FAIM: variants seen among roughly 807,000 people sequenced by gnomAD.
FAIM encodes Fas apoptotic inhibitory molecule.
Under a neutral mutation model 21.2 loss-of-function variants are expected in FAIM, and 14 were observed. The observed-to-expected ratio is 0.66, with a 90% CI of 0.44 to 1.03. FAIM has a LOEUF of 1.03. Among genes scored for constraint, FAIM ranks in the 50% least tolerant of loss-of-function variants. The pLI is 0.00. For missense variants in FAIM, 222 were observed against 247.1 expected, an observed-to-expected ratio of 0.90 and a Z score of 0.68; for synonymous variants, 86 against 80.4, an observed-to-expected ratio of 1.07 and a Z score of -0.37.
intron 4 of FAIM, among the ~76,000 whole-genome samples, chr3:138,625,316 A>G (rs1209383224): frequency 6.6e-6 from 1 of 151,958 alleles, no homozygotes; most frequent in Non-Finnish European, 1.5e-5. Context: ...TACAAAAATT[A>G]GCTGGGCGTG....
intron 5 of FAIM, 49 bp from the exon 6 acceptor site, chr3:138,632,875 TAGACAG>T: frequency 1.3e-6 from 2 of 1,576,818 alleles, no homozygotes; most frequent in African/African-American, 1.4e-5. Flanking sequence ...GTGAATGCTC[TAGACAG>T]AGATAAAAGT....
intron 4 of FAIM, 144 bp from the exon 5 acceptor site, chr3:138,628,963 A>G (rs1197207088): frequency 3.6e-6 from 2 of 551,718 alleles, no homozygotes; most frequent in East Asian, 6.3e-5. Context: ...CATGAAAGCC[A>G]TGAAAAAGTG....
chr3:138,627,964 C>T (rs2042957424), intron 4 of FAIM, among the ~76,000 whole-genome samples: 1 of 152,126 alleles, frequency 6.6e-6, no homozygotes, highest in Non-Finnish European at 1.5e-5. Flanking sequence ...ACATACAGGC[C>T]ATACTTCCTT....
At chr3:138,631,014 A>G (rs2042999192) in intron 5 of FAIM, 1 of 151,984 alleles carries the variant, frequency 6.6e-6, no homozygotes, top group South Asian at 2.1e-4. Context: ...GCACATGCCT[A>G]TAGTCCCAGC....
intron 1 of FAIM, among the ~76,000 whole-genome samples, chr3:138,617,766 G>C (rs2042842835): frequency 7.0e-6 from 1 of 143,626 alleles, no homozygotes; most frequent in South Asian, 2.1e-4. Context: ...TATGTATATA[G>C]TATCTACTAT....
intron 1 of FAIM, among the ~76,000 whole-genome samples, chr3:138,616,804 A>G (rs1293633744): frequency 6.6e-6 from 1 of 152,222 alleles, no homozygotes; most frequent in East Asian, 1.9e-4. Context: ...AATCAGAGAA[A>G]AACTGGCAAA....
At chr3:138,615,167 C>A (rs1018971301) in intron 1 of FAIM, among the ~76,000 whole-genome samples, 2 of 152,206 alleles carry the variant, frequency 1.3e-5, no homozygotes, top group African/African-American at 4.8e-5. Flanking sequence ...ACAATGAAGT[C>A]TTGGCTGTCT....
intron 1 of FAIM, among the ~76,000 whole-genome samples, chr3:138,618,676 AC>A (rs1304391671): frequency 6.6e-6 from 1 of 152,152 alleles, no homozygotes; most frequent in Non-Finnish European, 1.5e-5. Context: ...TCAAAAACAA[AC>A]AAAAAACTTT....
At chr3:138,615,381 G>A (rs771122599) in intron 1 of FAIM, among the ~76,000 whole-genome samples, 1 of 152,188 alleles carries the variant, frequency 6.6e-6, no homozygotes, top group Non-Finnish European at 1.5e-5. Context: ...TTGAGTTAAT[G>A]GATTACATTT....
intron 5 of FAIM, 46 bp from the exon 6 acceptor site, chr3:138,632,884 A>T (rs1293850010): frequency 6.9e-6 from 11 of 1,593,604 alleles, no homozygotes; most frequent in Non-Finnish European, 9.4e-6. Context: ...CTAGACAGAG[A>T]TAAAAGTTTC....
intron 1 of FAIM, among the ~76,000 whole-genome samples, chr3:138,609,606 C>T (rs1486458595): frequency 9.2e-6 from 1 of 108,878 alleles, no homozygotes; most frequent in African/African-American, 4.1e-5. Flanking sequence ...CTCTCTCTCT[C>T]TCTCTCGACT....
At chr3:138,624,609 C>G (rs924866247) in intron 4 of FAIM, among the ~76,000 whole-genome samples, 1 of 152,134 alleles carries the variant, frequency 6.6e-6, no homozygotes, top group African/African-American at 2.4e-5. Flanking sequence ...ATTGATATTG[C>G]TTGCACTTCT....
At chr3:138,609,642 G>C in intron 1 of FAIM, among the ~76,000 whole-genome samples, 1 of 103,938 alleles carries the variant, frequency 9.6e-6, no homozygotes, top group Non-Finnish European at 1.7e-5. Flanking sequence ...TCTCTCTCTC[G>C]ACTGTACATT....
intron 4 of FAIM, among the ~76,000 whole-genome samples, chr3:138,622,703 T>G (rs2042901143): frequency 6.6e-6 from 1 of 152,034 alleles, no homozygotes; most frequent in Admixed American, 6.6e-5. Context: ...TAAGCCAGGT[T>G]TTATAGTGAT....
rs141076364 is a variant in FAIM, at chr3:138,628,690, A to G, written c.407-417A>G. On this transcript the variant is annotated intron_variant, in intron 4 of 5. Coordinates refer to ENST00000360570, the MANE Select transcript of FAIM (RefSeq NM_001033031.2). ...AGTAGAGATGGGGTTTCACCGTATT[A>G]GCCAGGATGGTCTCGATCTCCTGAC... is the stretch of plus-strand genomic sequence containing the variant. Among the ~76,000 whole-genome samples the G allele has an allele frequency of 8.9e-3, 1,346 of 151,986 alleles. 24 individuals carry two copies. Among genetic ancestry groups the G allele is most frequent in the African/African-American group, 0.029 (1,222 of 41,424 alleles).
At chr3:138,619,816 A>G (rs1367796362) in intron 2 of FAIM, 46 bp downstream of exon 2, 2 of 1,512,900 alleles carry the variant, frequency 1.3e-6, no homozygotes, top group Non-Finnish European at 1.8e-6. Context: ...CATTTTCAAG[A>G]TTGTTATCAT....
intron 1 of FAIM, among the ~76,000 whole-genome samples, chr3:138,612,551 C>G (rs2042781907): frequency 6.6e-6 from 1 of 152,154 alleles, no homozygotes; most frequent in Non-Finnish European, 1.5e-5. Context: ...TGGCCGAGAT[C>G]AAGTGTATGT....
chr3:138,628,404 T>C (rs1035505824), intron 4 of FAIM, among the ~76,000 whole-genome samples: 5 of 152,150 alleles, frequency 3.3e-5, no homozygotes, highest in Non-Finnish European at 7.3e-5. Context: ...ATCTGGTCAA[T>C]ATTGAAGGGC....
intron 2 of FAIM, among the ~76,000 whole-genome samples, chr3:138,620,631 G>A (rs571648669): frequency 6.6e-6 from 1 of 152,202 alleles, no homozygotes; most frequent in South Asian, 2.1e-4. Flanking sequence ...AAGTAGCTGG[G>A]ACTCCAGGCA....
Sources: allele counts gnomAD v4.1 joint callset (sites outside exome capture counted in the v4.1 genomes callset), GRCh38; gene constraint gnomAD v4.1.1; transcripts MANE v1.5; gene names NCBI Gene and HGNC (gene_info 2026-07-23, HGNC 2026-07-21).